HGFAC: variants seen among roughly 807,000 people sequenced by gnomAD.
The protein encoded by HGFAC is hepatocyte growth factor activator serine protease.
In HGFAC, 76 loss-of-function variants were observed where a neutral mutation model predicts 70.6. The ratio of observed to expected loss-of-function variants is 1.08; its 90% CI spans 0.89 to 1.30. HGFAC has a LOEUF of 1.30. Among genes scored for constraint, HGFAC ranks in the 50% most tolerant of loss-of-function variants. The pLI is 0.00. For missense variants in HGFAC, 1,044 were observed against 933.7 expected (o/e 1.12, Z -1.54); for synonymous variants, 464 against 405.3 (o/e 1.14, Z -1.74).
Position 3,449,021 on chromosome 4 carries a change from G to T in HGFAC, c.1786-216G>T, listed in dbSNP as rs778633391. Among the ~76,000 whole-genome samples, 6 of 152,254 alleles carry T rather than the reference G, an allele frequency of 3.9e-5. No individual in the cohort carries two copies. The South Asian group carries it at 1.2e-3, about 32-fold the overall frequency. The stretch of plus-strand genomic sequence containing the variant: ...TCATGCTGGTGGGGAGAGGGGGACC[G>T]TGGCTTCAGGAAGGGGAATAACGTG... On this transcript the variant is annotated intron_variant, in intron 13 of 13. Coordinates refer to ENST00000382774, the MANE Select transcript of HGFAC (RefSeq NM_001528.4).
Position 3,446,099 on chromosome 4 carries a change from C to T in HGFAC, c.1160C>T (p.Ala387Val), listed in dbSNP as rs1456095040. The T allele has an allele frequency of 5.6e-6, 9 of 1,610,224 alleles. No homozygotes were observed. The highest frequency in any genetic ancestry group is 7.6e-6 in the Non-Finnish European group (9 of 1,178,958). Residue 387 changes from alanine to valine, a missense_variant, in exon 10 of 14, where the codon GCC becomes GTC. Transcript: ENST00000382774. ...PDLLATLPEP[A>V]SPGRQACGRR... ...CTCCTGGCGACCCTGCCTGAGCCAG[C>T]CTCCCCGGGGCGCCAGGCCTGCGGC...
In HGFAC at chr4:3,448,166, G is replaced by A. The variant is rs1054563023; in HGVS notation, c.1675G>A (p.Val559Ile). 3 of 1,599,920 alleles carry A rather than the reference G, an allele frequency of 1.9e-6. No individual in the cohort carries two copies. The highest frequency in any genetic ancestry group is 1.3e-5 in the African/African-American group (1 of 74,678). Residue 559 changes from valine (V) to isoleucine (I), a missense_variant, in exon 13 of 14, where the codon GTC becomes ATC. Val to Ile is a conservative substitution (Grantham distance 29). Coordinates refer to ENST00000382774, the MANE Select transcript of HGFAC (RefSeq NM_001528.4). The part of the protein sequence containing the change: ...GYSSSLREAL[V>I]PLVADHKCSS... ...CTCCAGCTCCCTGCGGGAGGCCCTG[G>A]TCCCCCTGGTCGCCGACCACAAGTG...
In HGFAC at chr4:3,448,141, C is replaced by T. The variant is rs199590505; in HGVS notation, c.1650C>T (p.Tyr550=). The T allele has an allele frequency of 2.5e-6, 4 of 1,594,078 alleles. No homozygotes were observed. The African/African-American group carries it at 4.0e-5, about 16-fold the overall frequency. ...WGHLDENVSG[Y]SSSLREALVP... is the part of the protein sequence containing the mutation. Reference sequence around the variant, plus strand: ...TGTGTCCCACAGACGTGAGCGGCTACTCCAGCTCCCTGCGGGAGGCCCTGG... The same window carrying T: ...TGTGTCCCACAGACGTGAGCGGCTATTCCAGCTCCCTGCGGGAGGCCCTGG... The change falls in exon 13 of 14, where the codon TAC becomes TAT. Residue 550 remains tyrosine, a synonymous_variant. Coordinates refer to ENST00000382774, the MANE Select transcript of HGFAC (RefSeq NM_001528.4).
At chr4:3,446,785 G>A (rs1180555434) in intron 10 of HGFAC, among the ~76,000 whole-genome samples, 2 of 152,172 alleles carry the variant, frequency 1.3e-5, no homozygotes, top group Non-Finnish European at 2.9e-5. Context: ...GGGAGACCCT[G>A]AGACGGAGCA....
At chr4:3,446,381 G>T (rs1375656675) in intron 10 of HGFAC, 87 bp downstream of exon 10, 8 of 1,484,094 alleles carry the variant, frequency 5.4e-6, no homozygotes, top group Non-Finnish European at 6.3e-6. Flanking sequence ...CCCGCTTGCG[G>T]ACCCCATCCC....
chr4:3,444,074 A>T lies in HGFAC; in HGVS notation c.511A>T (p.Asn171Tyr). 6.2e-7 allele frequency: 1 copy of T among 1,610,444 alleles called. No individual in the cohort carries two copies. The highest frequency in any genetic ancestry group is 1.1e-5 in the South Asian group (1 of 90,816). Reference protein sequence around the residue: ...LDPCASGPCLNGGSCSNTQDP... With the variant: ...LDPCASGPCLYGGSCSNTQDP... ...TCCCTGTGCCTCCGGCCCCTGCCTC[A>T]ATGGAGGCTCCTGCTCCAATACCCA... Residue 171 changes from asparagine (N) to tyrosine (Y), a missense_variant, in exon 5 of 14, where the codon AAT (asparagine) becomes TAT (tyrosine). Physicochemically the swap from Asn to Tyr is moderately radical, Grantham distance 143. Coordinates refer to ENST00000382774, the MANE Select transcript of HGFAC (RefSeq NM_001528.4).
intron 8 of HGFAC, 40 bp downstream of exon 8, chr4:3,445,033 G>T (rs763712380): frequency 6.6e-7 from 1 of 1,507,798 alleles, no homozygotes; most frequent in South Asian, 1.3e-5. Context: ...ATGCGGGGCA[G>T]GCAGGATTTG....
At chr4:3,448,815 C>T (rs1725623663) in intron 13 of HGFAC, among the ~76,000 whole-genome samples, 1 of 139,498 alleles carries the variant, frequency 7.2e-6, no homozygotes, top group African/African-American at 2.5e-5. Context: ...GGCCACAAAG[C>T]CCAGGAGTGG....
At position 3,442,051 on chromosome 4, in the gene HGFAC, G is replaced by T. The variant is rs1349950700; in HGVS notation, c.50G>T (p.Gly17Val). The change falls in exon 1 of 14, where the codon GGC becomes GTC. Residue 17 changes from glycine (G) to valine (V), a missense_variant. Coordinates refer to ENST00000382774, the MANE Select transcript of HGFAC (RefSeq NM_001528.4). ...AGCCCCTGGCCCCCACCGGGGCTGGGCCCCTTCCTCCTCCTCCTCCTGCTG... is the reference window on the plus strand; with the variant it reads ...AGCCCCTGGCCCCCACCGGGGCTGGTCCCCTTCCTCCTCCTCCTCCTGCTG... ...VPSPWPPPGL[G>V]PFLLLLLLLL... is the part of the protein sequence containing the mutation. 6 of 1,544,972 alleles carry T rather than the reference G, an allele frequency of 3.9e-6. No homozygotes were observed. The highest frequency in any genetic ancestry group is 1.2e-5 in the South Asian group (1 of 82,856).
chr4:3,448,588 G>C (rs1295498859), intron 13 of HGFAC, among the ~76,000 whole-genome samples: 1 of 152,232 alleles, frequency 6.6e-6, no homozygotes, highest in East Asian at 1.9e-4. Context: ...TGTGACACTA[G>C]GCACCAAAGG....
At position 3,446,002 on chromosome 4, in the gene HGFAC, G is replaced by A. The variant is rs1375483073; in HGVS notation, c.1103-40G>A. 1.9e-6 allele frequency: 3 copies of A among 1,603,786 alleles called. No individual in the cohort carries two copies. The South Asian group carries it at 3.4e-5, about 18-fold the overall frequency. ...CTGTGTGTGGAAGGGGGCTGGCCCT[G>A]TGAACCCCAGGGGTGTGACCCGGTG... On this transcript the variant is annotated intron_variant, in intron 9 of 13. Transcript: ENST00000382774.
chr4:3,444,206 AAGT>A, intron 5 of HGFAC, 45 bp downstream of exon 5: 2 of 1,566,982 alleles, frequency 1.3e-6, no homozygotes, highest in Non-Finnish European at 1.7e-6. Flanking sequence ...GGGCCGGAGC[AAGT>A]CCCCGGAGGA....
chr4:3,444,060 C>G lies in HGFAC; in HGVS notation c.497C>G (p.Ser166Cys). ...GGPAALDPCA[S>C]GPCLNGGSCS... ...CCAGCTGCCCTGGATCCCTGTGCCTCCGGCCCCTGCCTCAATGGAGGCTCC... is the reference window on the plus strand; with the variant it reads ...CCAGCTGCCCTGGATCCCTGTGCCTGCGGCCCCTGCCTCAATGGAGGCTCC... Residue 166 changes from serine to cysteine, a missense_variant, in exon 5 of 14, where the codon TCC (serine) becomes TGC (cysteine). Physicochemically the swap from Ser to Cys is moderately radical, Grantham distance 112 (BLOSUM62 -1). Transcript: ENST00000382774. 5 of 1,608,770 alleles carry G rather than the reference C, an allele frequency of 3.1e-6. No individual in the cohort carries two copies. Among genetic ancestry groups the G allele is most frequent in the Non-Finnish European group, 4.2e-6 (5 of 1,178,232 alleles).
At chr4:3,447,434 G>T (rs1046007883) in intron 10 of HGFAC, 58 bp from the exon 11 acceptor site, 1 of 1,598,386 alleles carries the variant, frequency 6.3e-7, no homozygotes, top group Non-Finnish European at 8.6e-7. Context: ...GTGGGGAGAG[G>T]TGAGCCCGGT....
intron 11 of HGFAC, 115 bp from the exon 12 acceptor site, chr4:3,447,780 G>C: frequency 6.5e-7 from 1 of 1,530,466 alleles, no homozygotes; most frequent in East Asian, 2.3e-5. Context: ...CTCCCTTCTG[G>C]ATCTCCCAGG....
Position 3,444,385 on chromosome 4 carries a change from G to C in HGFAC, c.673G>C (p.Val225Leu), listed in dbSNP as rs16844370. 1.2e-6 allele frequency: 2 copies of C among 1,604,984 alleles called. No homozygotes were observed. Among genetic ancestry groups the C allele is most frequent in the Non-Finnish European group, 1.7e-6 (2 of 1,177,092 alleles). ...DRWARVRQGH[V>L]EQCECFGGRT... Reference sequence around the variant, plus strand: ...CTGGGCCCGCGTGCGCCAGGGCCACGTGGAACAGTGCGAGTGCTTCGGGGG... The same window carrying C: ...CTGGGCCCGCGTGCGCCAGGGCCACCTGGAACAGTGCGAGTGCTTCGGGGG... Residue 225 changes from valine to leucine, a missense_variant, in exon 6 of 14, where the codon GTG becomes CTG. Physicochemically the swap from Val to Leu is conservative, Grantham distance 32. Transcript: ENST00000382774.
At chr4:3,446,328 G>A (rs1289992603) in intron 10 of HGFAC, 34 bp downstream of exon 10, 1 of 1,588,788 alleles carries the variant, frequency 6.3e-7, no homozygotes, top group Non-Finnish European at 8.5e-7. Context: ...CACCTGCCCT[G>A]AGGCCCCACA....
intron 4 of HGFAC, 72 bp downstream of exon 4, chr4:3,443,492 T>G: frequency 1.0e-6 from 1 of 964,374 alleles, no homozygotes; most frequent in Non-Finnish European, 1.4e-6. Flanking sequence ...AAGGGGAGGA[T>G]GGGGCGGACC....
chr4:3,442,151 G>A (rs1426072276), intron 1 of HGFAC, 33 bp downstream of exon 1: 1 of 1,498,502 alleles, frequency 6.7e-7, no homozygotes, highest in Admixed American at 2.1e-5. Context: ...TGCGACCAGA[G>A]GTTCCCAGTG....
Sources: allele counts gnomAD v4.1 joint callset (sites outside exome capture counted in the v4.1 genomes callset), GRCh38; gene constraint gnomAD v4.1.1; transcripts MANE v1.5; gene names NCBI Gene and HGNC (gene_info 2026-07-23, HGNC 2026-07-21).